RHAG: variants seen among roughly 807,000 people sequenced by gnomAD.
The protein encoded by RHAG is ammonium transporter Rh type A.
A neutral mutation model predicts 42.4 loss-of-function variants in RHAG; 25 were observed. That is an observed-to-expected ratio of 0.59 (90% CI 0.43 to 0.82). RHAG has a LOEUF of 0.82. Among genes scored for constraint, RHAG ranks in the 40% least tolerant of loss-of-function variants. The pLI is 0.00. For missense variants in RHAG, 483 were observed against 504.6 expected (o/e 0.96, Z 0.41); for synonymous variants, 182 against 177.7 (o/e 1.02, Z -0.19).
At chr6:49,610,832 A>G (rs547716114) in intron 7 of RHAG, among the ~76,000 whole-genome samples, 192 bp downstream of exon 7, 9 of 152,334 alleles carry the variant, frequency 5.9e-5, no homozygotes, top group Admixed American at 3.9e-4. Flanking sequence ...TTTTAAATTA[A>G]CAATTTCAGT....
intron 1 of RHAG, among the ~76,000 whole-genome samples, chr6:49,634,688 C>A (rs1168612611): frequency 6.6e-6 from 1 of 151,708 alleles, no homozygotes; most frequent in Non-Finnish European, 1.5e-5. Flanking sequence ...AGATTGCTTA[C>A]GAGAATTGGT....
chr6:49,611,286 C>T (rs1398005476), intron 6 of RHAG, 141 bp from the exon 7 acceptor site: 2 of 656,456 alleles, frequency 3.0e-6, no homozygotes, highest in Non-Finnish European at 5.1e-6. Flanking sequence ...TTAAGGTATA[C>T]AACATGATGT....
intron 1 of RHAG, among the ~76,000 whole-genome samples, chr6:49,622,488 C>T (rs904950461): frequency 3.9e-5 from 6 of 151,996 alleles, no homozygotes; most frequent in African/African-American, 9.7e-5. Flanking sequence ...GGATTACAGG[C>T]GTAAGCCACC....
At chr6:49,610,366 A>T (rs1436086914) in intron 7 of RHAG, among the ~76,000 whole-genome samples, 2 of 152,162 alleles carry the variant, frequency 1.3e-5, no homozygotes, top group Admixed American at 1.3e-4. Context: ...CATCCCTTCC[A>T]TTCTCTGGGG....
At chr6:49,625,223 T>G (rs1417391753) in intron 1 of RHAG, among the ~76,000 whole-genome samples, 2 of 152,222 alleles carry the variant, frequency 1.3e-5, no homozygotes, top group Non-Finnish European at 2.9e-5. Context: ...TAGACAAATG[T>G]GGCCTAAATT....
chr6:49,623,419 C>G (rs1033567603), intron 1 of RHAG, among the ~76,000 whole-genome samples: 4 of 152,192 alleles, frequency 2.6e-5, no homozygotes, highest in African/African-American at 9.6e-5. Flanking sequence ...GGGAGAGGGC[C>G]ACAACTATAG....
intron 3 of RHAG, among the ~76,000 whole-genome samples, chr6:49,617,740 C>T (rs1454903602): frequency 6.6e-6 from 1 of 152,086 alleles, no homozygotes; most frequent in African/African-American, 2.4e-5. Flanking sequence ...CATTGATAGG[C>T]AAAAGAAGAG....
At chr6:49,636,612 G>A (rs539887853) in intron 1 of RHAG, 44 bp downstream of exon 1, 61 of 1,603,214 alleles carry the variant, frequency 3.8e-5, no homozygotes, top group African/African-American at 2.4e-4. Flanking sequence ...CTGAGAAACC[G>A]AAGAACCGAA....
At chr6:49,614,546 G>T in intron 5 of RHAG, 141 bp downstream of exon 5, 1 of 821,014 alleles carries the variant, frequency 1.2e-6, no homozygotes, top group Non-Finnish European at 2.1e-6. Context: ...AATAAATGTT[G>T]TTGTTTTTAG....
At position 49,636,764 on chromosome 6, in the gene RHAG, T is replaced by G; in HGVS notation, c.49A>C (p.Ile17Leu). ...LMAIVLEIAM[I>L]VLFGLFVEYE... Reference sequence around the variant, plus strand: ...TCAACAAATAATCCAAATAAAACAATCATGGCAATTTCCAGGACTATAGCC... The same window carrying G: ...TCAACAAATAATCCAAATAAAACAAGCATGGCAATTTCCAGGACTATAGCC... Residue 17 changes from isoleucine (I) to leucine (L), a missense_variant, in exon 1 of 10, where the codon ATT becomes CTT. Transcript: ENST00000371175. 1 of 1,613,892 alleles carries G rather than the reference T, an allele frequency of 6.2e-7. No individual in the cohort carries two copies. Among genetic ancestry groups the G allele is most frequent in the Non-Finnish European group, 8.5e-7 (1 of 1,179,826 alleles).
intron 7 of RHAG, among the ~76,000 whole-genome samples, chr6:49,610,338 A>C (rs951812834): frequency 1.3e-5 from 2 of 152,182 alleles, no homozygotes; most frequent in Non-Finnish European, 2.9e-5. Flanking sequence ...TTCATACCAA[A>C]TTGTTCCAAT....
At chr6:49,613,520 A>G (rs935841100) in intron 5 of RHAG, among the ~76,000 whole-genome samples, 4 of 152,204 alleles carry the variant, frequency 2.6e-5, no homozygotes, top group Non-Finnish European at 5.9e-5. Flanking sequence ...CTCATGAGAC[A>G]ATTTGTGGAG....
chr6:49,613,318 C>T (rs1762597717), intron 5 of RHAG, among the ~76,000 whole-genome samples: 1 of 152,166 alleles, frequency 6.6e-6, no homozygotes, highest in Admixed American at 6.5e-5. Flanking sequence ...GATCCACCCA[C>T]CTTGGCCTCC....
chr6:49,634,935 GTTA>G (rs922117490), intron 1 of RHAG, among the ~76,000 whole-genome samples: 15 of 130,048 alleles, frequency 1.2e-4, no homozygotes, highest in South Asian at 7.5e-4. Context: ...CCTCTACATT[GTTA>G]TTATTGTGTG....
intron 1 of RHAG, among the ~76,000 whole-genome samples, chr6:49,628,163 G>C (rs9463523): frequency 0.12 from 9,729 of 78,860 alleles, 311 homozygotes; most frequent in African/African-American, 0.17. Flanking sequence ...CACACACACA[G>C]AGAGAGAGAG....
chr6:49,627,480 G>C (rs113808777), intron 1 of RHAG, among the ~76,000 whole-genome samples: 1 of 151,996 alleles, frequency 6.6e-6, no homozygotes, highest in African/African-American at 2.4e-5. Flanking sequence ...CCACACCTTC[G>C]TGTCTTCCTC....
chr6:49,609,158 G>A (rs923910044), intron 7 of RHAG, among the ~76,000 whole-genome samples: 2 of 152,148 alleles, frequency 1.3e-5, no homozygotes, highest in African/African-American at 4.8e-5. Context: ...TTCTCAGGCA[G>A]TATTTTATTT....
chr6:49,622,019 C>T (rs531526426), intron 1 of RHAG, among the ~76,000 whole-genome samples: 1 of 149,986 alleles, frequency 6.7e-6, no homozygotes, highest in African/African-American at 2.5e-5. Flanking sequence ...TCTGGTTCTG[C>T]CTGTAATTTA....
At chr6:49,611,222 G>A (rs755704335) in intron 6 of RHAG, 77 bp from the exon 7 acceptor site, 1 of 1,198,172 alleles carries the variant, frequency 8.3e-7, no homozygotes, top group Non-Finnish European at 1.2e-6. Flanking sequence ...AGCTATAGCT[G>A]GGCTCTATTC....
Sources: gnomAD v4.1 joint callset for allele counts (sites outside exome capture counted in the v4.1 genomes callset) on GRCh38, gnomAD v4.1.1 for gene constraint, MANE v1.5 for transcripts, NCBI Gene and HGNC (gene_info 2026-07-23, HGNC 2026-07-21) for gene names.